CUX1: variants seen among roughly 807,000 people sequenced by gnomAD.
CUX1 encodes cut like homeobox 1.
A neutral mutation model predicts 158.8 loss-of-function variants in CUX1; 31 were observed. The observed-to-expected ratio is 0.20, with a 90% CI of 0.15 to 0.26. The LOEUF is 0.26. Among genes scored for constraint, CUX1 ranks in the 10% least tolerant of loss-of-function variants. The pLI, the probability that CUX1 is intolerant of heterozygous loss-of-function variation, is 1.00. For synonymous variants in CUX1, 879 were observed against 862.1 expected (o/e 1.02, Z -0.34); for missense variants, 1,589 against 2,014.6 (o/e 0.79, Z 4.04).
chr7:101,947,459 C>T (rs79940683), intron 2 of CUX1, among the ~76,000 whole-genome samples: 1 of 152,202 alleles, frequency 6.6e-6, no homozygotes, highest in Non-Finnish European at 1.5e-5. Flanking sequence ...ATATTTACCC[C>T]ATATCCAACC....
chr7:102,169,044 C>A (rs1466642657), intron 9 of CUX1, among the ~76,000 whole-genome samples: 1 of 151,018 alleles, frequency 6.6e-6, no homozygotes, highest in Non-Finnish European at 1.5e-5. Flanking sequence ...AGCGATTCTT[C>A]TGCCTCAGTC....
chr7:102,268,896 A>G (rs1586506436), intron 14 of CUX1, among the ~76,000 whole-genome samples: 1 of 151,258 alleles, frequency 6.6e-6, no homozygotes, highest in Non-Finnish European at 1.5e-5. Context: ...CTGTCCCCCA[A>G]ACACCTCCCA....
intron 1 of CUX1, among the ~76,000 whole-genome samples, chr7:101,839,297 C>A (rs370719632): frequency 6.6e-6 from 1 of 152,164 alleles, no homozygotes; most frequent in Non-Finnish European, 1.5e-5. Flanking sequence ...TCTGACCCCC[C>A]TCCCCCAAGC....
At chr7:102,244,527 G>GTC (rs10642154) in intron 23 of CUX1, among the ~76,000 whole-genome samples, 126,567 of 151,912 alleles carry the variant, frequency 0.83, 53,575 homozygotes, top group East Asian at 0.95. Flanking sequence ...GTGAGACCAC[G>GTC]TCTACAAAAA....
intron 1 of CUX1, among the ~76,000 whole-genome samples, chr7:101,895,278 A>G (rs979261258): frequency 1.3e-5 from 2 of 152,102 alleles, no homozygotes; most frequent in Non-Finnish European, 2.9e-5. Context: ...TTTGGAAATC[A>G]TGTGGGAAGT....
At chr7:102,215,586 A>G (rs148143090) in intron 20 of CUX1, among the ~76,000 whole-genome samples, 17 of 152,330 alleles carry the variant, frequency 1.1e-4, no homozygotes, top group African/African-American at 4.1e-4. Context: ...ATTTCATCAC[A>G]AATTAAGTAA....
Position 102,278,684 on chromosome 7 carries a change from T to TA in CUX1, c.1680+622dup, listed in dbSNP as rs1554548450. On this transcript the variant is annotated intron_variant, in intron 18 of 22. Transcript: ENST00000292538. ...AAATAAAATAAAATATAAAATAAAA[T>TA]AAATAAAATAAAATAATAAAATAGT... 1.9e-3 allele frequency among the ~76,000 whole-genome samples: 261 copies of TA among 135,530 alleles called. 2 individuals carry two copies. The highest frequency in any genetic ancestry group is 3.1e-3 in the Non-Finnish European group (192 of 61,620). The allele number at this position is 135,530 out of a possible 152,430, so 88.9% of individuals were successfully genotyped here. A position where few individuals can be genotyped will look rare whatever the true frequency, so the allele number is the denominator to read the frequency against.
At chr7:101,822,051 T>A (rs994603188) in intron 1 of CUX1, among the ~76,000 whole-genome samples, 3 of 152,018 alleles carry the variant, frequency 2.0e-5, no homozygotes, top group Non-Finnish European at 2.9e-5. Context: ...AGACGAGGTT[T>A]CACTGTGTTA....
intron 3 of CUX1, among the ~76,000 whole-genome samples, chr7:102,033,203 C>T (rs1821000685): frequency 6.6e-6 from 1 of 152,166 alleles, no homozygotes; most frequent in African/African-American, 2.4e-5. Context: ...AGTCCCAGCA[C>T]TTTGGGAGGC....
At chr7:102,107,025 C>G (rs188418295) in intron 6 of CUX1, among the ~76,000 whole-genome samples, 2 of 151,706 alleles carry the variant, frequency 1.3e-5, no homozygotes, top group Non-Finnish European at 1.5e-5. Flanking sequence ...CTCAGGAGTT[C>G]GAGACCAGCC....
At chr7:102,030,691 GT>G (rs71119801) in intron 3 of CUX1, among the ~76,000 whole-genome samples, 14 of 119,374 alleles carry the variant, frequency 1.2e-4, no homozygotes, top group Non-Finnish European at 1.2e-4. Flanking sequence ...TTTAAAAAGT[GT>G]TTTTTTTTTT....
upstream of CUX1, chr7:101,817,571 A>C (rs1792002138): frequency 6.8e-7 from 1 of 1,478,852 alleles, no homozygotes; most frequent in Non-Finnish European, 8.9e-7. This position sits in a 1 kb window ranked among gnomAD's most constrained non-coding sequence, Gnocchi z 4.1. Flanking sequence ...GCGCACCCTT[A>C]GGGTCCGCCC....
At chr7:101,833,945 C>T (rs1428307474) in intron 1 of CUX1, among the ~76,000 whole-genome samples, 4 of 152,098 alleles carry the variant, frequency 2.6e-5, no homozygotes, top group Admixed American at 2.6e-4. Context: ...ACAGTGTTCA[C>T]ACGAGTACCG....
chr7:101,973,400 C>T (rs78559609), intron 2 of CUX1, among the ~76,000 whole-genome samples: 2 of 152,138 alleles, frequency 1.3e-5, no homozygotes, highest in African/African-American at 2.4e-5. Flanking sequence ...CCCAGCCCTC[C>T]GCAGCAAGCC....
intron 2 of CUX1, chr7:101,960,555 C>G (rs1020637209): frequency 1.3e-5 from 2 of 152,200 alleles, no homozygotes; most frequent in South Asian, 2.1e-4. Context: ...GTGGGAGAAT[C>G]TATTGAGCCT....
At chr7:101,825,111 T>C (rs1192311142) in intron 1 of CUX1, among the ~76,000 whole-genome samples, 3 of 152,104 alleles carry the variant, frequency 2.0e-5, no homozygotes, top group Non-Finnish European at 4.4e-5. Context: ...ATACCAACCT[T>C]TCAAAAGAAA....
At chr7:102,017,306 AGT>A (rs1165870868) in intron 2 of CUX1, among the ~76,000 whole-genome samples, 36 of 150,586 alleles carry the variant, frequency 2.4e-4, no homozygotes, top group African/African-American at 7.3e-4. Flanking sequence ...AAAAAAAAAA[AGT>A]GAGCTTGGTG....
At chr7:102,282,701 C>T in intron 21 of CUX1, 4 of 1,612,544 alleles carry the variant, frequency 2.5e-6, no homozygotes, top group Non-Finnish European at 3.4e-6. Flanking sequence ...ACCGTGTCTC[C>T]ACCTGGCCAG....
chr7:102,185,523 G>C (rs1198187687), intron 11 of CUX1, among the ~76,000 whole-genome samples: 4 of 151,640 alleles, frequency 2.6e-5, no homozygotes, highest in Non-Finnish European at 5.9e-5. Flanking sequence ...AGACTCAAGT[G>C]ATCCTCCTGC....
Sources: gnomAD v4.1 joint callset for allele counts (sites outside exome capture counted in the v4.1 genomes callset) on GRCh38, gnomAD v4.1.1 for gene constraint, Gnocchi (gnomAD v3.1) non-coding constraint, MANE v1.5 for transcripts, NCBI Gene and HGNC (gene_info 2026-07-23, HGNC 2026-07-21) for gene names.